The following PPP1R13B variants were observed in gnomAD, a reference collection of about 807,000 sequenced individuals.
PPP1R13B encodes protein phosphatase 1 regulatory subunit 13B, also known as apoptosis-stimulating of p53 protein 1.
Under a neutral mutation model 119.8 loss-of-function variants are expected in PPP1R13B, and 44 were observed. That is an observed-to-expected ratio of 0.37 (90% CI 0.29 to 0.47). The LOEUF is 0.47. Among genes scored for constraint, PPP1R13B ranks in the 20% least tolerant of loss-of-function variants. PPP1R13B has a pLI of 0.99. For missense variants in PPP1R13B, 1,227 were observed against 1,413.5 expected, an observed-to-expected ratio of 0.87 and a Z score of 2.12; for synonymous variants, 542 against 561.5, an observed-to-expected ratio of 0.97 and a Z score of 0.49.
chr14:103,764,766 C>T (rs187974998), intron 4 of PPP1R13B, among the ~76,000 whole-genome samples: 25 of 152,100 alleles, frequency 1.6e-4, no homozygotes, highest in Admixed American at 1.0e-3. Context: ...TTCCTATTCT[C>T]TTGAACATAC....
At chr14:103,796,964 A>C (rs961934973) in intron 2 of PPP1R13B, among the ~76,000 whole-genome samples, 44 of 152,166 alleles carry the variant, frequency 2.9e-4, no homozygotes, top group Middle Eastern at 3.4e-3. Context: ...GTCAGAAAAC[A>C]AAAAACAAAA....
At chr14:103,790,948 G>C (rs1419538150) in intron 2 of PPP1R13B, among the ~76,000 whole-genome samples, 1 of 152,108 alleles carries the variant, frequency 6.6e-6, no homozygotes, top group Non-Finnish European at 1.5e-5. Context: ...TGCAACCAAA[G>C]AATTTGATGT....
chr14:103,774,681 A>G (rs1183350532), intron 4 of PPP1R13B, among the ~76,000 whole-genome samples: 1 of 152,096 alleles, frequency 6.6e-6, no homozygotes, highest in Non-Finnish European at 1.5e-5. Context: ...TCCTTAATCT[A>G]TCCTTAGATG....
chr14:103,758,282 TA>T (rs2084724513), intron 4 of PPP1R13B, among the ~76,000 whole-genome samples: 1 of 152,238 alleles, frequency 6.6e-6, no homozygotes, highest in Non-Finnish European at 1.5e-5. Context: ...ACATGCAAAG[TA>T]ACATCTAGAT....
rs1313271539 is a variant in PPP1R13B, at chr14:103,825,848, T to C, written c.9+21451A>G. Among the ~76,000 whole-genome samples, 518 of 30,914 alleles carry C rather than the reference T, an allele frequency of 0.017. 3 individuals carry two copies. In the African/African-American group the frequency reaches 0.22, roughly 13 times the overall value. 20.3% of individuals were successfully genotyped at this position (30,914 alleles called of 152,430 possible). On this transcript the variant is annotated intron_variant, in intron 1 of 16. Coordinates refer to ENST00000202556, the MANE Select transcript of PPP1R13B (RefSeq NM_015316.3). The stretch of plus-strand genomic sequence containing the variant: ...TGTAGACAGTGATTTTTTCTTTTCT[T>C]TTTTTTTTTTTTTTGAGAGAGAGTC...
rs371929651 is a variant in PPP1R13B, at chr14:103,741,828, G to A, written c.1784C>T (p.Pro595Leu). The change falls in exon 11 of 17, where the codon CCG becomes CTG. Residue 595 changes from proline (P) to leucine (L), a missense_variant. Transcript: ENST00000202556. The stretch of plus-strand genomic sequence containing the variant: ...CTTATTTAAGGCGCTGTGTGCTGCC[G>A]GCTGGTAATTCTTAGGTGGTGTGGC... Reference protein sequence around the residue: ...QQATPPKNYQPAAHSALNKSV... With the variant: ...QQATPPKNYQLAAHSALNKSV... 149 of 1,614,052 alleles carry A rather than the reference G, an allele frequency of 9.2e-5. 3 individuals carry two copies. In the Middle Eastern group the frequency reaches 5.1e-3, roughly 55 times the overall value.
intron 7 of PPP1R13B, 82 bp from the exon 8 acceptor site, chr14:103,750,016 AAGT>A: frequency 3.4e-6 from 5 of 1,449,520 alleles, no homozygotes; most frequent in Non-Finnish European, 3.8e-6. Context: ...AAAAAAGAAA[AAGT>A]AGCATTAAGT....
At chr14:103,793,650 G>A (rs944898616) in intron 2 of PPP1R13B, among the ~76,000 whole-genome samples, 25 of 151,774 alleles carry the variant, frequency 1.6e-4, no homozygotes, top group African/African-American at 6.1e-4. Flanking sequence ...TTAGCATCTT[G>A]TATAATGGAA....
In PPP1R13B at chr14:103,739,992, T is replaced by A. The variant is rs780947357; in HGVS notation, c.2424A>T (p.Gln808His). Reference protein sequence around the residue: ...SPEPEELICPQTTHQTAEPAE... With the variant: ...SPEPEELICPHTTHQTAEPAE... ...CCGGCTCGGCAGTTTGGTGGGTGGT[T>A]TGGGGACAGATGAGCTCCTCTGGTT... Residue 808 changes from glutamine to histidine, a missense_variant, in exon 12 of 17, where the codon CAA becomes CAT. Coordinates refer to ENST00000202556, the MANE Select transcript of PPP1R13B (RefSeq NM_015316.3). 4 of 1,614,014 alleles carry A rather than the reference T, an allele frequency of 2.5e-6. No homozygotes were observed. Among genetic ancestry groups the A allele is most frequent in the Non-Finnish European group, 3.4e-6 (4 of 1,180,016 alleles).
intron 2 of PPP1R13B, among the ~76,000 whole-genome samples, chr14:103,795,057 C>T (rs1204915783): frequency 1.3e-5 from 2 of 152,184 alleles, no homozygotes; most frequent in African/African-American, 4.8e-5. Flanking sequence ...GATTCTCCTG[C>T]CTCCCAAGAA....
intron 1 of PPP1R13B, among the ~76,000 whole-genome samples, chr14:103,836,304 C>T (rs1225961719): frequency 1.3e-5 from 2 of 151,902 alleles, no homozygotes; most frequent in Non-Finnish European, 2.9e-5. Flanking sequence ...CCTTGGCCTC[C>T]CAAAGTGCTG....
At chr14:103,826,737 A>G (rs772302229) in intron 1 of PPP1R13B, among the ~76,000 whole-genome samples, 9 of 150,628 alleles carry the variant, frequency 6.0e-5, no homozygotes, top group South Asian at 2.1e-4. Context: ...AGCCAGGTGC[A>G]GTGGCTCATG....
rs138412814 is a variant in PPP1R13B, at chr14:103,842,630, C to T, written c.9+4669G>A. Reference sequence around the variant, plus strand: ...GAGTACCTTCTTTATGAAGAGAAAACACTTCAGAGCTACAGAACAGTTCTT... The same window carrying T: ...GAGTACCTTCTTTATGAAGAGAAAATACTTCAGAGCTACAGAACAGTTCTT... On this transcript the variant is annotated intron_variant, in intron 1 of 16. Transcript: ENST00000202556. Among the ~76,000 whole-genome samples, 186 of 151,422 alleles carry T rather than the reference C, an allele frequency of 1.2e-3. 5 individuals are homozygous for T. The East Asian group carries it at 0.032, about 26-fold the overall frequency.
intron 1 of PPP1R13B, among the ~76,000 whole-genome samples, chr14:103,810,476 T>C (rs2086124522): frequency 2.7e-5 from 4 of 150,364 alleles, no homozygotes; most frequent in African/African-American, 9.8e-5. Flanking sequence ...TGTTCATCAA[T>C]ATTGAAAATT....
At chr14:103,743,329 C>T (rs1243674602) in intron 9 of PPP1R13B, among the ~76,000 whole-genome samples, 1 of 152,242 alleles carries the variant, frequency 6.6e-6, no homozygotes, top group Non-Finnish European at 1.5e-5. Flanking sequence ...CTTATGATCA[C>T]AGGAGGCCCG....
intron 4 of PPP1R13B, among the ~76,000 whole-genome samples, chr14:103,775,850 G>A (rs907379619): frequency 6.6e-6 from 1 of 152,158 alleles, no homozygotes; most frequent in Non-Finnish European, 1.5e-5. Flanking sequence ...TCCAATGACA[G>A]AAGGCAGGAA....
At chr14:103,818,287 A>G (rs1210276092) in intron 1 of PPP1R13B, among the ~76,000 whole-genome samples, 1 of 152,196 alleles carries the variant, frequency 6.6e-6, no homozygotes, top group Non-Finnish European at 1.5e-5. Context: ...CTGCTCAGAT[A>G]CCAGAAGAGC....
intron 8 of PPP1R13B, among the ~76,000 whole-genome samples, chr14:103,748,483 C>T: frequency 6.6e-6 from 1 of 152,194 alleles, no homozygotes; most frequent in African/African-American, 2.4e-5. Context: ...TAGAGGCTAA[C>T]AAGAGGACAC....
intron 5 of PPP1R13B, 47 bp downstream of exon 5, chr14:103,757,602 AG>A (rs1434106619): frequency 1.3e-6 from 2 of 1,553,458 alleles, no homozygotes; most frequent in Middle Eastern, 1.7e-4. Flanking sequence ...TGATGGTTAA[AG>A]AAGGTACTTT....
Sources: allele counts gnomAD v4.1 joint callset (sites outside exome capture counted in the v4.1 genomes callset), GRCh38; gene constraint gnomAD v4.1.1; transcripts MANE v1.5; gene names NCBI Gene and HGNC (gene_info 2026-07-23, HGNC 2026-07-21).